The following HPS4 variants were observed in gnomAD, a reference collection of about 807,000 sequenced individuals.
HPS4 encodes BLOC-3 complex member HPS4.
In HPS4, 44 loss-of-function variants were observed where a neutral mutation model predicts 70.3. The ratio of observed to expected loss-of-function variants is 0.63; its 90% CI spans 0.49 to 0.80. The LOEUF (loss-of-function observed/expected upper bound fraction) is 0.80. Among genes scored for constraint, HPS4 ranks in the 30% least tolerant of loss-of-function variants. The probability of loss-of-function intolerance (pLI) is 0.00; values close to 1 mark genes in which losing one functional copy is unlikely to be tolerated. For missense variants in HPS4, 873 were observed against 884.4 expected (o/e 0.99, Z 0.16); for synonymous variants, 377 against 355.9 (o/e 1.06, Z -0.67).
intron 12 of HPS4, among the ~76,000 whole-genome samples, 193 bp downstream of exon 12, chr22:26,458,252 T>C (rs922391133): frequency 6.6e-6 from 1 of 152,176 alleles, no homozygotes; most frequent in Non-Finnish European, 1.5e-5. Context: ...AACAGACACA[T>C]GAGCAGAGAA....
chr22:26,466,444 A>G, intron 8 of HPS4, 182 bp from the exon 9 acceptor site: 2 of 710,542 alleles, frequency 2.8e-6, no homozygotes, highest in East Asian at 5.4e-5. Flanking sequence ...GGCTCCCACT[A>G]TGGCTGGGAT....
Position 26,453,282 on chromosome 22 carries a change from G to T in HPS4, c.2078C>A (p.Ser693Tyr). 6.2e-7 allele frequency: 1 copy of T among 1,614,214 alleles called. No individual in the cohort carries two copies. The highest frequency in any genetic ancestry group is 1.7e-5 in the Admixed American group (1 of 60,022). ...PNPQDGAFSLSGKAKQKLLKH... is the reference protein window; with the variant it reads ...PNPQDGAFSLYGKAKQKLLKH... ...CAGCAGCTTCTGCTTTGCTTTGCCG[G>T]AGAGGCTGAAGGCGCCATCCTGAGG... The change falls in exon 14 of 14, where the codon TCC (serine) becomes TAC (tyrosine). Residue 693 changes from serine (S) to tyrosine (Y), a missense_variant. Transcript: ENST00000398145.
chr22:26,468,514 G>A, intron 8 of HPS4, 37 bp downstream of exon 8: 1 of 1,569,632 alleles, frequency 6.4e-7, no homozygotes, highest in Non-Finnish European at 8.8e-7. Flanking sequence ...GTGCTCTGGG[G>A]GATGCTGTCC....
chr22:26,483,274 G>A (rs895110459), intron 1 of HPS4, among the ~76,000 whole-genome samples: 4 of 152,218 alleles, frequency 2.6e-5, no homozygotes, highest in African/African-American at 9.7e-5. Context: ...CACTACCGAG[G>A]TCCTCTCTTA....
chr22:26,445,167 C>T (rs555795053), intron 3 of HPS4, among the ~76,000 whole-genome samples: 78 of 152,258 alleles, frequency 5.1e-4, no homozygotes, highest in African/African-American at 1.8e-3. Context: ...GAGGCGTTGT[C>T]TCTACCAAAC....
At position 26,470,931 on chromosome 22, in the gene HPS4, G is replaced by C. The variant is rs1322770892; in HGVS notation, c.502-118C>G. The C allele has an allele frequency of 3.2e-6, 5 of 1,550,934 alleles. No homozygotes were observed. In the African/African-American group the frequency reaches 6.8e-5, roughly 21 times the overall value. On this transcript the variant is annotated intron_variant, in intron 6 of 13. Transcript: ENST00000398145. ...AGGGTGTAGCTCAAAGCCTGGAAAA[G>C]GAGAATGTGTCACACAGTGAAAGCT...
intron 6 of HPS4, 127 bp from the exon 7 acceptor site, chr22:26,470,940 G>A (rs1194768035): frequency 6.5e-7 from 1 of 1,543,138 alleles, no homozygotes; most frequent in Non-Finnish European, 8.8e-7. Context: ...AGGAGAATGT[G>A]TCACACAGTG....
Position 26,453,049 on chromosome 22 carries a change from GAACT to G in HPS4, c.*180_*183del, listed in dbSNP as rs2085467027. 1 of 653,678 alleles carries G rather than the reference GAACT, an allele frequency of 1.5e-6. No homozygotes were observed. The highest frequency in any genetic ancestry group is 1.8e-5 in the African/African-American group (1 of 55,012). 40.5% of individuals were successfully genotyped at this position (653,678 alleles called of 1,614,324 possible). On this transcript the variant is annotated 3_prime_UTR_variant, in exon 14 of 14. Transcript: ENST00000398145. ...AGTGCTCTGGGTCTGCCGACCTGAA[GAACT>G]AACCCCTGCCCCCAAAACACATCCC...
chr22:26,444,152 A>G (rs1350753539), downstream of HPS4: 3 of 151,946 alleles, frequency 2.0e-5, no homozygotes. Context: ...CATTTGGGGA[A>G]AGCCTTTCTC....
At chr22:26,476,109 A>G (rs2146900776) in intron 4 of HPS4, 1 of 152,308 alleles carries the variant, frequency 6.6e-6, no homozygotes, top group Admixed American at 6.5e-5. Flanking sequence ...AGGTAATAAA[A>G]CAACTATAAT....
intron 12 of HPS4, 53 bp downstream of exon 12, chr22:26,458,392 C>T (rs1405094047): frequency 1.2e-6 from 2 of 1,608,266 alleles, no homozygotes; most frequent in East Asian, 2.2e-5. Context: ...CTCATCTCCA[C>T]CCATCTAGAA....
downstream of HPS4, chr22:26,443,156 G>A (rs763956357): frequency 5.0e-6 from 8 of 1,614,110 alleles, no homozygotes; most frequent in African/African-American, 1.3e-5. Context: ...TCCAAACGTC[G>A]CAGCGGCCGA....
Position 26,468,586 on chromosome 22 carries a change from T to C in HPS4, c.634A>G (p.Lys212Glu). The change falls in exon 8 of 14, where the codon AAG becomes GAG. Residue 212 changes from lysine (K) to glutamate (E), a missense_variant. Lys to Glu is a moderately conservative substitution (Grantham distance 56, BLOSUM62 1). Coordinates refer to ENST00000398145, the MANE Select transcript of HPS4 (RefSeq NM_022081.6). ...GGTGCTGTTCGGTGAAGCAGGACCTTGGCGGTGAGGGAGGGCGGGAGTTGG... is the reference window on the plus strand; with the variant it reads ...GGTGCTGTTCGGTGAAGCAGGACCTCGGCGGTGAGGGAGGGCGGGAGTTGG... ...STQLPPSLTA[K>E]VLLHRTAPQE... 6.2e-7 allele frequency: 1 copy of C among 1,613,698 alleles called. No homozygotes were observed. Among genetic ancestry groups the C allele is most frequent in the Non-Finnish European group, 8.5e-7 (1 of 1,179,734 alleles).
downstream of HPS4, chr22:26,443,134 G>A: frequency 6.2e-7 from 1 of 1,614,194 alleles, no homozygotes; most frequent in East Asian, 2.2e-5. Context: ...TTTTCATGGT[G>A]GATTTGTGGC....
At position 26,464,152 on chromosome 22, in the gene HPS4, T is replaced by C. The variant is rs770823084; in HGVS notation, c.1478A>G (p.Asp493Gly). Residue 493 changes from aspartate (D) to glycine (G), a missense_variant, in exon 11 of 14, where the codon GAT (aspartate) becomes GGT (glycine). By Grantham distance (94) the Asp-to-Gly change is moderately conservative. Transcript: ENST00000398145. ...GTGGCTTTCACAGACCCCATCAACA[T>C]CCTCATCCAGGCCTTGTTCCCCCGT... is the stretch of plus-strand genomic sequence containing the variant. ...LPTGEQGLDEDVDGVCESHAA... is the reference protein window; with the variant it reads ...LPTGEQGLDEGVDGVCESHAA... The C allele has an allele frequency of 1.9e-5, 30 of 1,614,244 alleles. No individual in the cohort carries two copies. The highest frequency in any genetic ancestry group is 2.2e-5 in the Non-Finnish European group (26 of 1,180,046).
At chr22:26,454,154 T>C (rs573822080) in intron 13 of HPS4, among the ~76,000 whole-genome samples, 4 of 152,284 alleles carry the variant, frequency 2.6e-5, no homozygotes, top group South Asian at 4.1e-4. Flanking sequence ...CTGCTAAGGC[T>C]CCCCTCACTC....
In HPS4 at chr22:26,458,558, G is replaced by A; in HGVS notation, c.1733C>T (p.Ser578Leu). ...IEEVYHSSLA[S>L]LNGLEVHLKE... ...CAGGTGGACTTCCAGCCCATTCAGT[G>A]AAGCCAGGCTGCTGTGGTACTGCAA... Residue 578 changes from serine to leucine, a missense_variant, in exon 12 of 14, where the codon TCA (serine) becomes TTA (leucine). Transcript: ENST00000398145. 6.2e-7 allele frequency: 1 copy of A among 1,614,144 alleles called. No homozygotes were observed. The highest frequency in any genetic ancestry group is 8.5e-7 in the Non-Finnish European group (1 of 1,180,012).
chr22:26,463,989 G>A lies in HPS4; in HGVS notation c.1641C>T (p.Cys547=), dbSNP rs199740072. 87 of 1,614,098 alleles carry A rather than the reference G, an allele frequency of 5.4e-5. No homozygotes were observed. The East Asian group carries it at 6.5e-4, about 12-fold the overall frequency. Residue 547 remains cysteine (C), a synonymous_variant, in exon 11 of 14, where the codon TGC becomes TGT. Coordinates refer to ENST00000398145, the MANE Select transcript of HPS4 (RefSeq NM_022081.6). Reference sequence around the variant, plus strand: ...GCAGGGACAGCACCAGCCCTTTGACGCAGTGAGTGTAGAGATTCATCCTCA... The same window carrying A: ...GCAGGGACAGCACCAGCCCTTTGACACAGTGAGTGTAGAGATTCATCCTCA... ...GLVRMNLYTH[C]VKGLVLSLLA...
intron 6 of HPS4, chr22:26,471,400 A>C: frequency 2.2e-6 from 1 of 456,300 alleles, no homozygotes; most frequent in Non-Finnish European, 4.4e-6. Flanking sequence ...TAAAAATACA[A>C]GAAAAGCATC....
Sources: allele counts gnomAD v4.1 joint callset (sites outside exome capture counted in the v4.1 genomes callset), GRCh38; gene constraint gnomAD v4.1.1; transcripts MANE v1.5; gene names NCBI Gene and HGNC (gene_info 2026-07-23, HGNC 2026-07-21).